PTPN1: variants seen among roughly 807,000 people sequenced by gnomAD.
PTPN1 encodes the protein protein tyrosine phosphatase non-receptor type 1.
A neutral mutation model predicts 59.9 loss-of-function variants in PTPN1; 12 were observed. The observed-to-expected ratio is 0.20, with a 90% CI of 0.13 to 0.32. The LOEUF is 0.32. Among genes scored for constraint, PTPN1 ranks in the 10% least tolerant of loss-of-function variants. PTPN1 has a pLI of 1.00. For missense variants in PTPN1, 356 were observed against 549.2 expected, an observed-to-expected ratio of 0.65 and a Z score of 3.52; for synonymous variants, 178 against 203.6, an observed-to-expected ratio of 0.87 and a Z score of 1.07.
chr20:50,510,715 C>A, intron 1 of PTPN1, 125 bp downstream of exon 1: 1 of 1,045,150 alleles, frequency 9.6e-7, no homozygotes, highest in Non-Finnish European at 1.3e-6. Flanking sequence ...CTTGAGGATT[C>A]GATGGGACAG....
rs577850608 is a variant in PTPN1, at chr20:50,570,057, C to T, written c.354+1579C>T. Among the ~76,000 whole-genome samples, 5 of 152,336 alleles carry T rather than the reference C, an allele frequency of 3.3e-5. No homozygotes were observed. In the South Asian group the frequency reaches 1.0e-3, roughly 32 times the overall value. ...CTCTCACAGCTGTCCTGGTTGCCTC[C>T]GGCCACAGAAGAAGGTGAGGGCTCC... On this transcript the variant is annotated intron_variant, in intron 4 of 9. Coordinates refer to ENST00000371621, the MANE Select transcript of PTPN1 (RefSeq NM_002827.4).
At chr20:50,576,462 T>C (rs1009808627) in intron 5 of PTPN1, among the ~76,000 whole-genome samples, 9 of 152,176 alleles carry the variant, frequency 5.9e-5, no homozygotes, top group African/African-American at 2.2e-4. Flanking sequence ...AATGAGTTCC[T>C]TGTGAAAGAG....
chr20:50,547,420 A>G (rs1186322220), intron 1 of PTPN1, among the ~76,000 whole-genome samples: 1 of 151,954 alleles, frequency 6.6e-6, no homozygotes, highest in Non-Finnish European at 1.5e-5. Flanking sequence ...CTAGAGTGCA[A>G]TGGTATGATC....
chr20:50,575,103 T>G, intron 5 of PTPN1: 1 of 158,316 alleles, frequency 6.3e-6, no homozygotes, highest in Non-Finnish European at 1.4e-5. Flanking sequence ...TTTTTTGTTG[T>G]GGGAAGAGTT....
intron 6 of PTPN1, among the ~76,000 whole-genome samples, 168 bp from the exon 7 acceptor site, chr20:50,579,000 A>G (rs966984874): frequency 6.6e-6 from 1 of 152,196 alleles, no homozygotes; most frequent in Non-Finnish European, 1.5e-5. Flanking sequence ...CAAGCCTTTC[A>G]TGAGGGACCT....
chr20:50,553,811 C>T (rs2082713962), intron 1 of PTPN1, among the ~76,000 whole-genome samples: 1 of 151,874 alleles, frequency 6.6e-6, no homozygotes, highest in South Asian at 2.1e-4. Context: ...AACCGAATAC[C>T]ATTTCTAAAG....
At chr20:50,532,026 C>T (rs1487647868) in intron 1 of PTPN1, among the ~76,000 whole-genome samples, 1 of 152,162 alleles carries the variant, frequency 6.6e-6, no homozygotes, top group Non-Finnish European at 1.5e-5. Flanking sequence ...TAATAAACTG[C>T]GTCTTCTGGT....
In PTPN1 at chr20:50,582,857, T is replaced by A; in HGVS notation, c.*142T>A. 1.0e-6 allele frequency: 1 copy of A among 959,172 alleles called. No individual in the cohort carries two copies. The highest frequency in any genetic ancestry group is 1.6e-6 in the Non-Finnish European group (1 of 627,840). The allele number at this position is 959,172 out of a possible 1,614,324, so 59.4% of individuals were successfully genotyped here. On this transcript the variant is annotated 3_prime_UTR_variant, in exon 10 of 10. Transcript: ENST00000371621. This position sits in a 1 kb window ranked among gnomAD's most constrained non-coding sequence, Gnocchi z 4.2. ...CCCCGGACGGACGTTGGTTCTGCAC[T>A]AAAACCCATCTTCCCCGGATGTGTG... is the stretch of plus-strand genomic sequence containing the variant.
At position 50,585,100 on chromosome 20, in the gene PTPN1, T is replaced by A. The variant is rs2082893804; in HGVS notation, c.*2385T>A. 6.6e-6 allele frequency: 1 copy of A among 152,210 alleles called. No individual in the cohort carries two copies. The highest frequency in any genetic ancestry group is 2.4e-5 in the African/African-American group (1 of 41,432). The allele number at this position is 152,210 out of a possible 1,614,324, so 9.4% of individuals were successfully genotyped here. A position where few individuals can be genotyped will look rare whatever the true frequency, so the allele number is the denominator to read the frequency against. On this transcript the variant is annotated 3_prime_UTR_variant, in exon 10 of 10. Transcript: ENST00000371621. ...AGTTGTAATCTCAAAACCATATCCC[T>A]TACCCAATTACCTGTAAGACACAAT...
In PTPN1 at chr20:50,528,745, A is replaced by C. The variant is rs534219286; in HGVS notation, c.63+18155A>C. Among the ~76,000 whole-genome samples, 15 of 151,556 alleles carry C rather than the reference A, an allele frequency of 9.9e-5. No homozygotes were observed. In the South Asian group the frequency reaches 1.0e-3, roughly 11 times the overall value. ...AAAAAAGACTCCATCTTAAAAAAAAAAAAAAAGAAAAAAGAAAGAAAATAC... is the reference window on the plus strand; with the variant it reads ...AAAAAAGACTCCATCTTAAAAAAAACAAAAAAGAAAAAAGAAAGAAAATAC... On this transcript the variant is annotated intron_variant, in intron 1 of 9. Transcript: ENST00000371621.
In PTPN1 at chr20:50,584,647, C is replaced by G. The variant is rs1480261727; in HGVS notation, c.*1932C>G. 6.6e-6 allele frequency: 1 copy of G among 151,858 alleles called. No homozygotes were observed. Among genetic ancestry groups the G allele is most frequent in the Non-Finnish European group, 1.5e-5 (1 of 67,972 alleles). The allele number at this position is 151,858 out of a possible 1,614,324, so 9.4% of individuals were successfully genotyped here. On this transcript the variant is annotated 3_prime_UTR_variant, in exon 10 of 10. Coordinates refer to ENST00000371621, the MANE Select transcript of PTPN1 (RefSeq NM_002827.4). Reference sequence around the variant, plus strand: ...ACCGGGTGGGTGGGGGGGAGTGTCTCAGGGTCTTCTGTGACCTCACAGAAC... The same window carrying G: ...ACCGGGTGGGTGGGGGGGAGTGTCTGAGGGTCTTCTGTGACCTCACAGAAC...
At chr20:50,520,543 A>G (rs185065073) in intron 1 of PTPN1, among the ~76,000 whole-genome samples, 124 of 152,320 alleles carry the variant, frequency 8.1e-4, no homozygotes, top group Admixed American at 2.5e-3. Flanking sequence ...CCTGCAATGT[A>G]CTGAAGCAAG....
chr20:50,528,194 T>G (rs1465821621), intron 1 of PTPN1, among the ~76,000 whole-genome samples: 1 of 152,192 alleles, frequency 6.6e-6, no homozygotes, highest in Non-Finnish European at 1.5e-5. Context: ...ATTTCCCCTT[T>G]CCACAGGTCC....
intron 9 of PTPN1, among the ~76,000 whole-genome samples, chr20:50,581,735 G>A (rs980704226): frequency 7.9e-5 from 12 of 151,476 alleles, no homozygotes; most frequent in South Asian, 6.2e-4. Flanking sequence ...TGCCAAATAC[G>A]TCTGTTTCTC....
chr20:50,550,838 G>C (rs1047367941), intron 1 of PTPN1, among the ~76,000 whole-genome samples: 3 of 152,210 alleles, frequency 2.0e-5, no homozygotes, highest in Admixed American at 1.3e-4. Flanking sequence ...TTTAAAATGA[G>C]TAATGCATTT....
At chr20:50,556,338 G>A (rs928035311) in intron 1 of PTPN1, among the ~76,000 whole-genome samples, 10 of 150,652 alleles carry the variant, frequency 6.6e-5, no homozygotes, top group African/African-American at 1.5e-4. Context: ...ACAGGTGCAC[G>A]CCACCACACC....
chr20:50,569,970 C>A (rs1461700145), intron 4 of PTPN1, among the ~76,000 whole-genome samples: 1 of 152,222 alleles, frequency 6.6e-6, no homozygotes, highest in Non-Finnish European at 1.5e-5. Flanking sequence ...GAGCGTGTGG[C>A]CCAGGAGCAG....
At chr20:50,531,897 T>TA (rs1342709066) in intron 1 of PTPN1, among the ~76,000 whole-genome samples, 5 of 152,214 alleles carry the variant, frequency 3.3e-5, no homozygotes, top group Non-Finnish European at 7.4e-5. Context: ...TGTGGGATCT[T>TA]AGGGCTACTT....
At chr20:50,519,670 C>G (rs190661204) in intron 1 of PTPN1, among the ~76,000 whole-genome samples, 52 of 152,230 alleles carry the variant, frequency 3.4e-4, no homozygotes, top group African/African-American at 1.1e-3. Context: ...ATTTACAGGG[C>G]AAAACTGTGC....
Sources: allele counts gnomAD v4.1 joint callset (sites outside exome capture counted in the v4.1 genomes callset), GRCh38; gene constraint gnomAD v4.1.1; non-coding constraint Gnocchi (gnomAD v3.1); transcripts MANE v1.5; gene names NCBI Gene and HGNC (gene_info 2026-07-23, HGNC 2026-07-21).